CLCN1: variants seen among roughly 807,000 people sequenced by gnomAD.
CLCN1 encodes chloride voltage-gated channel 1.
CLCN1 carries 100 observed loss-of-function variants against 114.5 expected under a neutral mutation model. That is an observed-to-expected ratio of 0.87 (90% CI 0.74 to 1.03). CLCN1 has a LOEUF of 1.03. Ranked by LOEUF, CLCN1 falls within the 50% of genes least tolerant of loss-of-function variation. The pLI, the probability that CLCN1 is intolerant of heterozygous loss-of-function variation, is 0.00. For missense variants in CLCN1, 1,188 were observed against 1,250.0 expected (o/e 0.95, Z 0.75); for synonymous variants, 485 against 487.1 (o/e 1.00, Z 0.06).
At chr7:143,319,724 G>A (rs758855079) in intron 1 of CLCN1, 31 bp from the exon 2 acceptor site, 4 of 1,612,508 alleles carry the variant, frequency 2.5e-6, no homozygotes, top group Non-Finnish European at 3.4e-6. Flanking sequence ...TCTTCCACAA[G>A]GCAGACACTG....
chr7:143,326,033 T>C (rs1424553146), intron 7 of CLCN1, among the ~76,000 whole-genome samples: 1 of 152,150 alleles, frequency 6.6e-6, no homozygotes, highest in East Asian at 1.9e-4. Context: ...TGTTTGTTTG[T>C]TTAGATGGAG....
chr7:143,324,399 T>C lies in CLCN1; in HGVS notation c.775-15T>C. ...TCTCTTCCACCTGTTTCTCTGTCTG[T>C]CTCTCCCCTAGTAGCAGCCATACTA... is the stretch of plus-strand genomic sequence containing the variant. On this transcript the variant is annotated splice_polypyrimidine_tract_variant and intron_variant, in intron 6 of 22. Coordinates refer to ENST00000343257, the MANE Select transcript of CLCN1 (RefSeq NM_000083.3). This position sits in a 1 kb window ranked among gnomAD's most constrained non-coding sequence, Gnocchi z 4.6. 3 of 1,604,752 alleles carry C rather than the reference T, an allele frequency of 1.9e-6. No individual in the cohort carries two copies. Among genetic ancestry groups the C allele is most frequent in the Non-Finnish European group, 2.6e-6 (3 of 1,171,722 alleles).
intron 15 of CLCN1, 104 bp from the exon 16 acceptor site, chr7:143,342,268 C>G: frequency 6.7e-7 from 1 of 1,483,908 alleles, no homozygotes; most frequent in Non-Finnish European, 9.4e-7. Context: ...TCTCATGCAC[C>G]TAGTAGATAT....
intron 12 of CLCN1, among the ~76,000 whole-genome samples, chr7:143,334,616 T>TATTTA: frequency 1.3e-5 from 2 of 152,296 alleles, no homozygotes; most frequent in Admixed American, 1.3e-4. Context: ...TTTTGCTGTT[T>TATTTA]ATTTAATTTA....
chr7:143,336,604 C>CAAAAAAAAAAAAAAAAAAAAA (rs573516521), intron 12 of CLCN1, among the ~76,000 whole-genome samples: 4 of 80,426 alleles, frequency 5.0e-5, no homozygotes, highest in Admixed American at 3.5e-4. Context: ...AAGACTCTGT[C>CAAAAAAAAAAAAAAAAAAAAA]AAAAAAAAAA....
intron 2 of CLCN1, among the ~76,000 whole-genome samples, chr7:143,320,394 G>A (rs966720247): frequency 3.3e-5 from 5 of 152,150 alleles, no homozygotes; most frequent in African/African-American, 9.7e-5. Flanking sequence ...TATTCATGGG[G>A]AACTGGGCTT....
At chr7:143,323,505 G>A (rs924072418) in intron 6 of CLCN1, 119 bp downstream of exon 6, 9 of 782,938 alleles carry the variant, frequency 1.1e-5, no homozygotes, top group South Asian at 1.1e-4. Flanking sequence ...AAGCAGCATC[G>A]CACTAATCCA....
intron 9 of CLCN1, 42 bp downstream of exon 9, chr7:143,331,358 G>A: frequency 7.0e-7 from 1 of 1,434,058 alleles, no homozygotes; most frequent in Non-Finnish European, 9.8e-7. Context: ...AGCAGGGTGT[G>A]GAGTGAGGCT....
At chr7:143,347,548 G>A (rs1056073723) in intron 20 of CLCN1, among the ~76,000 whole-genome samples, 2 of 150,840 alleles carry the variant, frequency 1.3e-5, no homozygotes, top group African/African-American at 4.9e-5. Context: ...TTGAACCCGG[G>A]AGGTGGGGGT....
At chr7:143,351,004 CT>C (rs1302849856) in intron 22 of CLCN1, among the ~76,000 whole-genome samples, 3 of 152,168 alleles carry the variant, frequency 2.0e-5, no homozygotes, top group Non-Finnish European at 4.4e-5. Flanking sequence ...TCTCAAACTC[CT>C]GACCTCAGGT....
Position 143,350,043 on chromosome 7 carries a change from G to C in CLCN1, c.2404-329G>C, listed in dbSNP as rs1803352153. Among the ~76,000 whole-genome samples, 1 of 152,182 alleles carries C rather than the reference G, an allele frequency of 6.6e-6. No homozygotes were observed. The highest frequency in any genetic ancestry group is 2.4e-5 in the African/African-American group (1 of 41,440). On this transcript the variant is annotated intron_variant, in intron 20 of 22. Coordinates refer to ENST00000343257, the MANE Select transcript of CLCN1 (RefSeq NM_000083.3). The surrounding 1 kb of genome is among the most constrained non-coding windows in gnomAD (Gnocchi z 5.1). ...TTTGATTGGAGCCCCACGTCTTATAGTAGTAGTGGAAAATAGATGGGAAAG... is the reference window on the plus strand; with the variant it reads ...TTTGATTGGAGCCCCACGTCTTATACTAGTAGTGGAAAATAGATGGGAAAG...
Position 143,339,187 on chromosome 7 carries a change from G to C in CLCN1, c.1402-66G>C. 3.0e-6 allele frequency: 3 copies of C among 1,013,910 alleles called. No homozygotes were observed. The highest frequency in any genetic ancestry group is 4.7e-6 in the Non-Finnish European group (3 of 632,362). The allele number at this position is 1,013,910 out of a possible 1,614,324, so 62.8% of individuals were successfully genotyped here. On this transcript the variant is annotated intron_variant, in intron 12 of 22. Transcript: ENST00000343257. The surrounding 1 kb of genome is among the most constrained non-coding windows in gnomAD (Gnocchi z 4.1). The stretch of plus-strand genomic sequence containing the variant: ...CTGCAGAAAGGAGGATAGTGGGAAG[G>C]GAATTGTGTGTGCATGTCTATTGGG...
In CLCN1 at chr7:143,331,615, C is replaced by G; in HGVS notation, c.1129C>G (p.Arg377Gly). The G allele has an allele frequency of 5.0e-6, 8 of 1,614,042 alleles. No individual in the cohort carries two copies. The highest frequency in any genetic ancestry group is 6.8e-6 in the Non-Finnish European group (8 of 1,179,950). ...GCATCGCCAAGTCATGCTCGGTGTC[C>G]GAAAGCACAAGGCCCTCAGCCAGTT... Reference protein sequence around the residue: ...YLHRQVMLGVRKHKALSQFLA... With the variant: ...YLHRQVMLGVGKHKALSQFLA... The change falls in exon 10 of 23, where the codon CGA becomes GGA. Residue 377 changes from arginine (R) to glycine (G), a missense_variant. By Grantham distance (125) the Arg-to-Gly change is moderately radical. Coordinates refer to ENST00000343257, the MANE Select transcript of CLCN1 (RefSeq NM_000083.3).
In CLCN1 at chr7:143,316,404, T is replaced by C. The variant is rs747256242; in HGVS notation, c.180+12T>C. On this transcript the variant is annotated intron_variant, in intron 1 of 22. Transcript: ENST00000343257. ...TCCACCCCACACAGGTAAAGTGCTC[T>C]AAGGGGAGAGGGGAGCCATGGATGA... 31 of 1,610,224 alleles carry C rather than the reference T, an allele frequency of 1.9e-5. 1 individual carries two copies. The South Asian group carries it at 3.4e-4, about 18-fold the overall frequency.
chr7:143,316,990 C>G (rs1802305463), intron 1 of CLCN1, among the ~76,000 whole-genome samples: 1 of 152,112 alleles, frequency 6.6e-6, no homozygotes, highest in Non-Finnish European at 1.5e-5. Flanking sequence ...TGGAAAAGGG[C>G]AGAGATGTGA....
At chr7:143,347,646 A>G (rs906859225) in intron 20 of CLCN1, among the ~76,000 whole-genome samples, 2 of 142,006 alleles carry the variant, frequency 1.4e-5, no homozygotes, top group Non-Finnish European at 3.1e-5. Context: ...AAAAAAAACT[A>G]AAATGGAGAA....
At chr7:143,346,846 T>A in intron 19 of CLCN1, 65 bp from the exon 20 acceptor site, 2 of 1,485,204 alleles carry the variant, frequency 1.3e-6, no homozygotes, top group Non-Finnish European at 1.9e-6. Context: ...TATTGTTTCA[T>A]TGGGAGCCAT....
In CLCN1 at chr7:143,319,918, G is replaced by T. The variant is rs1415087449; in HGVS notation, c.301+43G>T. On this transcript the variant is annotated intron_variant, in intron 2 of 22. Transcript: ENST00000343257. ...ATAAAGAAATCTGGAGTAGAAACAG[G>T]TACAGGGATTAGGAGAATAACTTGG... 4 of 1,608,342 alleles carry T rather than the reference G, an allele frequency of 2.5e-6. No individual in the cohort carries two copies. The South Asian group carries it at 3.3e-5, about 13-fold the overall frequency.
At chr7:143,317,825 G>A (rs1404756040) in intron 1 of CLCN1, among the ~76,000 whole-genome samples, 1 of 152,094 alleles carries the variant, frequency 6.6e-6, no homozygotes, top group Non-Finnish European at 1.5e-5. Flanking sequence ...GTCTGACTAG[G>A]CCTTTGAACA....
Sources: gnomAD v4.1 joint callset for allele counts (sites outside exome capture counted in the v4.1 genomes callset) on GRCh38, gnomAD v4.1.1 for gene constraint, Gnocchi (gnomAD v3.1) non-coding constraint, MANE v1.5 for transcripts, NCBI Gene and HGNC (gene_info 2026-07-23, HGNC 2026-07-21) for gene names.